Variants in PPARGC1A observed in about 807,000 individuals in gnomAD.
PPARGC1A encodes the protein peroxisome proliferator-activated receptor gamma coactivator 1-alpha.
In PPARGC1A, 25 loss-of-function variants were observed where a neutral mutation model predicts 88.7. The observed-to-expected ratio is 0.28, with a 90% CI of 0.21 to 0.39. The LOEUF (loss-of-function observed/expected upper bound fraction) is 0.39. Among genes scored for constraint, PPARGC1A ranks in the 10% least tolerant of loss-of-function variants. PPARGC1A has a pLI of 1.00. For missense variants in PPARGC1A, 880 were observed against 968.7 expected (o/e 0.91, Z 1.22); for synonymous variants, 363 against 355.6 (o/e 1.02, Z -0.24).
the PPARGC1A span, among the ~76,000 whole-genome samples, chr4:24,178,994 A>G: frequency 1.6e-3 from 237 of 152,194 alleles, no homozygotes; most frequent in African/African-American, 5.4e-3. Flanking sequence ...TTTTTTTGTT[A>G]ATAACAAAAG....
intron 5 of PPARGC1A, 92 bp from the exon 6 acceptor site, chr4:23,824,600 G>T (rs1172382696): frequency 8.9e-7 from 1 of 1,128,744 alleles, no homozygotes; most frequent in Non-Finnish European, 1.3e-6. Context: ...AAAACAACCA[G>T]AAAACTCAAA....
chr4:23,865,522 A>G (rs940282840), intron 2 of PPARGC1A, among the ~76,000 whole-genome samples: 2 of 152,194 alleles, frequency 1.3e-5, no homozygotes, highest in Non-Finnish European at 1.5e-5. Context: ...AGACCCATGC[A>G]TGGTGTCTGG....
the PPARGC1A span, among the ~76,000 whole-genome samples, chr4:24,253,461 A>G: frequency 1.3e-5 from 2 of 152,362 alleles, no homozygotes; most frequent in East Asian, 1.9e-4. Context: ...AGTATTAGCT[A>G]TTGATGATCA....
the PPARGC1A span, among the ~76,000 whole-genome samples, chr4:24,318,189 C>T: frequency 6.6e-6 from 1 of 152,138 alleles, no homozygotes; most frequent in Non-Finnish European, 1.5e-5. Flanking sequence ...TAATGACAGG[C>T]GACCACTTGG....
At chr4:24,319,503 C>T in the PPARGC1A span, among the ~76,000 whole-genome samples, 1 of 152,038 alleles carries the variant, frequency 6.6e-6, no homozygotes, top group Non-Finnish European at 1.5e-5. Flanking sequence ...CGTGGATCTC[C>T]TTAGTTAGCT....
chr4:24,147,811 G>A, the PPARGC1A span, among the ~76,000 whole-genome samples: 1 of 152,160 alleles, frequency 6.6e-6, no homozygotes, highest in African/African-American at 2.4e-5. Flanking sequence ...GCCGGACATG[G>A]TGTGCACCTG....
chr4:24,183,723 A>T, the PPARGC1A span, among the ~76,000 whole-genome samples: 1 of 152,092 alleles, frequency 6.6e-6, no homozygotes, highest in Non-Finnish European at 1.5e-5. Context: ...TGACCTTGTT[A>T]CCTATATCTG....
the PPARGC1A span, among the ~76,000 whole-genome samples, chr4:24,353,607 C>T: frequency 1.3e-5 from 2 of 152,172 alleles, no homozygotes; most frequent in Non-Finnish European, 2.9e-5. Context: ...TGTTTCCCAC[C>T]TGTAAAATAT....
chr4:24,080,306 C>T, the PPARGC1A span, among the ~76,000 whole-genome samples: 30 of 151,792 alleles, frequency 2.0e-4, no homozygotes, highest in African/African-American at 2.4e-4. Flanking sequence ...TGTGTTGGTA[C>T]TATTTTGAAT....
the PPARGC1A span, among the ~76,000 whole-genome samples, chr4:24,339,192 A>ATG: frequency 5.8e-3 from 528 of 90,896 alleles, 2 homozygotes; most frequent in Admixed American, 9.4e-3. Flanking sequence ...AGGTTCATCC[A>ATG]TGTGTGTGTG....
At chr4:24,003,735 C>G in the PPARGC1A span, among the ~76,000 whole-genome samples, 1 of 151,558 alleles carries the variant, frequency 6.6e-6, no homozygotes, top group Non-Finnish European at 1.5e-5. Context: ...ATATCTTACA[C>G]CATGAAAAGG....
At chr4:24,021,260 T>G in the PPARGC1A span, among the ~76,000 whole-genome samples, 1 of 152,242 alleles carries the variant, frequency 6.6e-6, no homozygotes, top group Non-Finnish European at 1.5e-5. Context: ...CCCAGGAACA[T>G]CCCTCCTCCA....
chr4:24,110,702 C>G, the PPARGC1A span, among the ~76,000 whole-genome samples: 1 of 152,146 alleles, frequency 6.6e-6, no homozygotes. Context: ...GGAAAGAGAA[C>G]TAACACTTGA....
At chr4:24,297,488 T>C in the PPARGC1A span, among the ~76,000 whole-genome samples, 1 of 152,264 alleles carries the variant, frequency 6.6e-6, no homozygotes, top group Admixed American at 6.5e-5. Context: ...TGGGGACATA[T>C]AACACTCCAT....
chr4:24,137,101 G>A, the PPARGC1A span, among the ~76,000 whole-genome samples: 419 of 145,254 alleles, frequency 2.9e-3, 1 homozygote, highest in African/African-American at 9.5e-3. Context: ...GTGACACAGC[G>A]AGACTCTGTC....
the PPARGC1A span, among the ~76,000 whole-genome samples, chr4:24,373,042 C>T: frequency 6.6e-6 from 1 of 152,188 alleles, no homozygotes; most frequent in Non-Finnish European, 1.5e-5. Flanking sequence ...TCTTCCCTCC[C>T]ATCGGCTGCA....
At chr4:24,094,969 C>T in the PPARGC1A span, among the ~76,000 whole-genome samples, 1 of 152,166 alleles carries the variant, frequency 6.6e-6, no homozygotes, top group East Asian at 1.9e-4. Context: ...TGCTTCTTAA[C>T]ACCACACAAA....
intron 2 of PPARGC1A, 194 bp downstream of exon 2, chr4:23,884,558 C>T (rs1217909773): frequency 4.1e-6 from 2 of 486,574 alleles, no homozygotes; most frequent in Non-Finnish European, 6.9e-6. Flanking sequence ...TTTTTTAAAT[C>T]TTTAAAAAAA....
chr4:23,966,192 CAT>C, the PPARGC1A span, among the ~76,000 whole-genome samples: 1 of 152,190 alleles, frequency 6.6e-6, no homozygotes, highest in Admixed American at 6.5e-5. Context: ...CTTGCAGCAA[CAT>C]AGAGTCTAGA....
Sources: allele counts gnomAD v4.1 joint callset (sites outside exome capture counted in the v4.1 genomes callset), GRCh38; gene constraint gnomAD v4.1.1; transcripts MANE v1.5; gene names NCBI Gene and HGNC (gene_info 2026-07-23, HGNC 2026-07-21).